SUFU: variants seen among roughly 807,000 people sequenced by gnomAD.
SUFU encodes the protein suppressor of fused homolog.
Under a neutral mutation model 58.9 loss-of-function variants are expected in SUFU, and 7 were observed. The ratio of observed to expected loss-of-function variants is 0.12; its 90% CI spans 0.07 to 0.22. The LOEUF (loss-of-function observed/expected upper bound fraction) is 0.22. Among genes scored for constraint, SUFU ranks in the 10% least tolerant of loss-of-function variants. SUFU has a pLI of 1.00. For synonymous variants in SUFU, 232 were observed against 254.8 expected (o/e 0.91, Z 0.85); for missense variants, 451 against 641.3 (o/e 0.70, Z 3.20).
At chr10:102,526,458 T>A (rs1307463383) in intron 2 of SUFU, among the ~76,000 whole-genome samples, 1 of 151,618 alleles carries the variant, frequency 6.6e-6, no homozygotes, top group East Asian at 1.9e-4. Flanking sequence ...GAGGCTGAGG[T>A]GGGAGGATCG....
intron 1 of SUFU, among the ~76,000 whole-genome samples, chr10:102,507,892 A>G (rs1021414391): frequency 9.9e-5 from 15 of 151,946 alleles, no homozygotes; most frequent in Non-Finnish European, 2.1e-4. Flanking sequence ...TTTGTGGGCT[A>G]AATGCAGACT....
In SUFU at chr10:102,615,391, T is replaced by G. The variant is rs1159204850; in HGVS notation, c.1146T>G (p.Pro382=). Residue 382 remains proline, a synonymous_variant, in exon 9 of 12, where the codon CCT becomes CCG. Coordinates refer to ENST00000369902, the MANE Select transcript of SUFU (RefSeq NM_016169.4). ...ACCAGGAGTCCGGAGCCCTCATTCC[T>G]CTCTGCCTAAGGTGAGCGAGACAGC... ...KFNQESGALI[P]LCLRGRLLHG... The G allele has an allele frequency of 2.5e-6, 4 of 1,613,848 alleles. 1 individual carries two copies. The African/African-American group carries it at 5.3e-5, about 22-fold the overall frequency.
chr10:102,609,245 G>T (rs992613607), intron 8 of SUFU, among the ~76,000 whole-genome samples: 2 of 151,638 alleles, frequency 1.3e-5, no homozygotes, highest in Non-Finnish European at 2.9e-5. Context: ...GTACACAAAG[G>T]ATTAGCATGG....
In SUFU at chr10:102,610,808, C is replaced by T. The variant is rs574283914; in HGVS notation, c.1023-4460C>T. Among the ~76,000 whole-genome samples, 16 of 152,292 alleles carry T rather than the reference C, an allele frequency of 1.1e-4. No individual in the cohort carries two copies. The South Asian group carries it at 2.1e-3, about 20-fold the overall frequency. On this transcript the variant is annotated intron_variant, in intron 8 of 11. Transcript: ENST00000369902. ...AACTGCCGGAACACTAGCCAGATAGCGCAGAGTTCTTCTGCTCCTAGCTCC... is the reference window on the plus strand; with the variant it reads ...AACTGCCGGAACACTAGCCAGATAGTGCAGAGTTCTTCTGCTCCTAGCTCC...
chr10:102,588,773 G>A (rs1377639841), intron 3 of SUFU, among the ~76,000 whole-genome samples: 4 of 152,138 alleles, frequency 2.6e-5, no homozygotes, highest in African/African-American at 9.7e-5. Context: ...TTCCGTTTAT[G>A]TAGGTCTTCT....
At chr10:102,512,536 C>T (rs879484268) in intron 2 of SUFU, among the ~76,000 whole-genome samples, 36 of 152,160 alleles carry the variant, frequency 2.4e-4, no homozygotes, top group African/African-American at 7.0e-4. Flanking sequence ...TGAAATAGGA[C>T]CTTTCTTATT....
intron 3 of SUFU, chr10:102,591,739 G>A (rs1251826043): frequency 2.6e-5 from 4 of 152,202 alleles, no homozygotes; most frequent in African/African-American, 9.7e-5. Context: ...TGCATAGGCT[G>A]GACATATAGA....
intron 11 of SUFU, among the ~76,000 whole-genome samples, chr10:102,627,645 C>T (rs906481656): frequency 6.6e-6 from 1 of 152,228 alleles, no homozygotes; most frequent in African/African-American, 2.4e-5. Context: ...GAACATTCCG[C>T]TGGGGAGTTC....
chr10:102,572,333 C>T (rs891846656), intron 3 of SUFU, among the ~76,000 whole-genome samples: 2 of 151,738 alleles, frequency 1.3e-5, no homozygotes, highest in Admixed American at 1.3e-4. Context: ...GCCTCGGCCT[C>T]CCAAAGTGCT....
chr10:102,583,929 A>C (rs572778244), intron 3 of SUFU, among the ~76,000 whole-genome samples: 1 of 152,250 alleles, frequency 6.6e-6, no homozygotes, highest in Non-Finnish European at 1.5e-5. Flanking sequence ...TAGACATCAG[A>C]TAGGGATGCA....
Position 102,617,791 on chromosome 10 carries a change from G to A in SUFU, c.1296+363G>A, listed in dbSNP as rs1335066112. 3.8e-6 allele frequency: 2 copies of A among 521,972 alleles called. No individual in the cohort carries two copies. The highest frequency in any genetic ancestry group is 6.7e-6 in the Non-Finnish European group (2 of 297,862). 32.3% of individuals were successfully genotyped at this position (521,972 alleles called of 1,614,324 possible). A position where few individuals can be genotyped will look rare whatever the true frequency, so the allele number is the denominator to read the frequency against. ...ACTCAAGGATGAAGCAAGATGGGAG[G>A]ATGTGTGGAGGCCACTCTCCAATGG... On this transcript the variant is annotated intron_variant, in intron 10 of 11. Coordinates refer to ENST00000369902, the MANE Select transcript of SUFU (RefSeq NM_016169.4). The surrounding 1 kb of genome is among the most constrained non-coding windows in gnomAD (Gnocchi z 4.4).
At chr10:102,541,658 C>T (rs2062801065) in intron 2 of SUFU, among the ~76,000 whole-genome samples, 1 of 145,784 alleles carries the variant, frequency 6.9e-6, no homozygotes, top group Non-Finnish European at 1.5e-5. Flanking sequence ...CTCGGCCTCC[C>T]AAAGTGCTAG....
intron 5 of SUFU, 78 bp from the exon 6 acceptor site, chr10:102,593,915 C>T: frequency 6.4e-7 from 1 of 1,555,274 alleles, no homozygotes; most frequent in Non-Finnish European, 8.9e-7. Flanking sequence ...CCTGGGGCAG[C>T]AAACAGGGCA....
chr10:102,559,226 A>T (rs1470646898), intron 3 of SUFU, among the ~76,000 whole-genome samples: 1 of 152,186 alleles, frequency 6.6e-6, no homozygotes, highest in African/African-American at 2.4e-5. Flanking sequence ...TCCCCTTTGC[A>T]TCTCATTGGC....
At chr10:102,511,571 A>G (rs1368022392) in intron 2 of SUFU, among the ~76,000 whole-genome samples, 1 of 152,114 alleles carries the variant, frequency 6.6e-6, no homozygotes, top group Non-Finnish European at 1.5e-5. Context: ...ATGCTTTACA[A>G]TCTTATCAGG....
chr10:102,513,363 T>G (rs1188814597), intron 2 of SUFU, among the ~76,000 whole-genome samples: 1 of 152,226 alleles, frequency 6.6e-6, no homozygotes, highest in Non-Finnish European at 1.5e-5. Context: ...TTCCACTGTC[T>G]GTGTCTTCTC....
intron 2 of SUFU, among the ~76,000 whole-genome samples, chr10:102,532,006 G>A (rs1281221789): frequency 6.6e-6 from 1 of 151,794 alleles, no homozygotes; most frequent in Non-Finnish European, 1.5e-5. Flanking sequence ...CCAGGCTGGA[G>A]TGCAGTGGCA....
chr10:102,514,794 A>G lies in SUFU; in HGVS notation c.317+5491A>G, dbSNP rs183807121. Among the ~76,000 whole-genome samples the G allele has an allele frequency of 2.6e-4, 39 of 152,328 alleles. 1 individual carries two copies. The East Asian group carries it at 6.9e-3, about 27-fold the overall frequency. On this transcript the variant is annotated intron_variant, in intron 2 of 11. Transcript: ENST00000369902. Reference sequence around the variant, plus strand: ...GTGAGGATTTCTGGCTGTCCCTGGTACCACCAACAGCTCTGGCTAGACAGA... The same window carrying G: ...GTGAGGATTTCTGGCTGTCCCTGGTGCCACCAACAGCTCTGGCTAGACAGA...
At position 102,630,214 on chromosome 10, in the gene SUFU, G is replaced by A. The variant is rs1234451775; in HGVS notation, c.*59G>A. 5.2e-6 allele frequency: 7 copies of A among 1,353,534 alleles called. No homozygotes were observed. The highest frequency in any genetic ancestry group is 1.2e-5 in the South Asian group (1 of 83,902). The allele number at this position is 1,353,534 out of a possible 1,614,324, so 83.8% of individuals were successfully genotyped here. A position where few individuals can be genotyped will look rare whatever the true frequency, so the allele number is the denominator to read the frequency against. ...CCCAGCTGCTCCCCAGTGACTTCCA[G>A]TGTAACAGTTGTGTCAACGAGATCT... On this transcript the variant is annotated 3_prime_UTR_variant, in exon 12 of 12. Coordinates refer to ENST00000369902, the MANE Select transcript of SUFU (RefSeq NM_016169.4).
Sources: allele counts gnomAD v4.1 joint callset (sites outside exome capture counted in the v4.1 genomes callset), GRCh38; gene constraint gnomAD v4.1.1; non-coding constraint Gnocchi (gnomAD v3.1); transcripts MANE v1.5; gene names NCBI Gene and HGNC (gene_info 2026-07-23, HGNC 2026-07-21).